Variants in FHIP2B observed in about 807,000 individuals in gnomAD.
FHIP2B encodes FHF complex subunit HOOK-interacting protein 2B.
Under a neutral mutation model 84.0 loss-of-function variants are expected in FHIP2B, and 72 were observed. The observed-to-expected ratio is 0.86, with a 90% CI of 0.71 to 1.04. The LOEUF is 1.04. Ranked by LOEUF, FHIP2B falls within the 50% of genes least tolerant of loss-of-function variation. The pLI, the probability that FHIP2B is intolerant of heterozygous loss-of-function variation, is 0.00. For synonymous variants in FHIP2B, 497 were observed against 418.7 expected (o/e 1.19, Z -2.28); for missense variants, 972 against 968.9 (o/e 1.00, Z -0.04).
At chr8:22,097,147 A>C in intron 3 of FHIP2B, 3 of 306,558 alleles carry the variant, frequency 9.8e-6, no homozygotes, top group Non-Finnish European at 1.9e-5. Context: ...TGATGCAGGA[A>C]AAGGGGTTGT....
intron 7 of FHIP2B, 127 bp from the exon 8 acceptor site, chr8:22,098,814 AAACCCCC>A: frequency 1.0e-6 from 1 of 962,504 alleles, no homozygotes; most frequent in South Asian, 1.6e-5. Context: ...TCTGTCCATA[AAACCCCC>A]AAGATAACTG....
chr8:22,099,384 A>G (rs1456258468), intron 9 of FHIP2B, 24 bp downstream of exon 9: 2 of 1,611,160 alleles, frequency 1.2e-6, no homozygotes, highest in Non-Finnish European at 8.5e-7. Context: ...TCCCTCAGGC[A>G]TGACTGTGGT....
At chr8:22,102,491 C>G in intron 15 of FHIP2B, 37 bp from the exon 16 acceptor site, 2 of 1,543,202 alleles carry the variant, frequency 1.3e-6, no homozygotes, top group Non-Finnish European at 1.8e-6. Flanking sequence ...ACTGGTGTTG[C>G]TGGCCCCATC....
chr8:22,089,890 G>A (rs956393819), intron 1 of FHIP2B: 1 of 1,230,392 alleles, frequency 8.1e-7, no homozygotes, highest in Non-Finnish European at 1.1e-6. Flanking sequence ...GCCCCCAGCC[G>A]GGGAAATCGC....
chr8:22,099,415 C>G, intron 9 of FHIP2B, 55 bp downstream of exon 9: 2 of 1,563,858 alleles, frequency 1.3e-6, no homozygotes, highest in Non-Finnish European at 1.7e-6. Flanking sequence ...CCACCTACCC[C>G]ACCCAGCCTC....
At chr8:22,093,012 A>C (rs1302422456) in intron 1 of FHIP2B, among the ~76,000 whole-genome samples, 2 of 152,188 alleles carry the variant, frequency 1.3e-5, no homozygotes, top group Non-Finnish European at 2.9e-5. Context: ...TGTCTTGTAC[A>C]TAGTGGGCAC....
At chr8:22,096,642 A>T in intron 3 of FHIP2B, 133 bp downstream of exon 3, 1 of 1,314,178 alleles carries the variant, frequency 7.6e-7, no homozygotes, top group Non-Finnish European at 9.9e-7. Flanking sequence ...GGCCAGGCTG[A>T]GGTGGGCGGT....
In FHIP2B at chr8:22,099,826, C is replaced by T; in HGVS notation, c.1274C>T (p.Ala425Val). ...FLLGTDRQPE[A>V]PGDNPHTLYA... ...CTGGGCACAGACCGGCAGCCTGAAGCCCCCGGGGACAACCCCCACACCCTG... is the reference window on the plus strand; with the variant it reads ...CTGGGCACAGACCGGCAGCCTGAAGTCCCCGGGGACAACCCCCACACCCTG... The change falls in exon 10 of 17, where the codon GCC (alanine) becomes GTC (valine). Residue 425 changes from alanine to valine, a missense_variant. Physicochemically the swap from Ala to Val is moderately conservative, Grantham distance 64. Coordinates refer to ENST00000289921, the MANE Select transcript of FHIP2B (RefSeq NM_022749.7). 6.2e-7 allele frequency: 1 copy of T among 1,612,408 alleles called. No individual in the cohort carries two copies. The highest frequency in any genetic ancestry group is 8.5e-7 in the Non-Finnish European group (1 of 1,179,446).
At chr8:22,090,274 G>A (rs1270843128) in intron 1 of FHIP2B, among the ~76,000 whole-genome samples, 1 of 152,120 alleles carries the variant, frequency 6.6e-6, no homozygotes, top group Non-Finnish European at 1.5e-5. Context: ...GATTTTCTCA[G>A]GAGAGAAAGT....
chr8:22,091,825 A>C (rs888438853), intron 1 of FHIP2B, among the ~76,000 whole-genome samples: 1 of 152,244 alleles, frequency 6.6e-6, no homozygotes, highest in Non-Finnish European at 1.5e-5. Context: ...GTGAAGGGCC[A>C]GAGGACTTTC....
At chr8:22,096,653 G>C (rs1312776794) in intron 3 of FHIP2B, 144 bp downstream of exon 3, 8 of 1,164,790 alleles carry the variant, frequency 6.9e-6, no homozygotes, top group Non-Finnish European at 9.2e-6. Context: ...GGTGGGCGGT[G>C]GGCAGTGGGC....
rs892679634 is a variant in FHIP2B at position 22,090,155 on chromosome 8, G to GGGC, written c.45+859_45+860insCGG. Among the ~76,000 whole-genome samples the GGGC allele has an allele frequency of 1.5e-5, 2 of 137,146 alleles. 1 individual carries two copies. The highest frequency in any genetic ancestry group is 5.2e-5 in the African/African-American group (2 of 38,172). 90.0% of individuals were successfully genotyped at this position (137,146 alleles called of 152,430 possible). A position where few individuals can be genotyped will look rare whatever the true frequency, so the allele number is the denominator to read the frequency against. ...GGGTGGGGGTATTCCCGGTAGGGTGGGGGGGGTGCCCGCTGTTGAAAGTAA... is the reference window on the plus strand; with the variant it reads ...GGGTGGGGGTATTCCCGGTAGGGTGGGGCGGGGGGTGCCCGCTGTTGAAAGTAA... On this transcript the variant is annotated intron_variant, in intron 1 of 16. Coordinates refer to ENST00000289921, the MANE Select transcript of FHIP2B (RefSeq NM_022749.7).
chr8:22,102,237 C>G lies in FHIP2B; in HGVS notation c.1914C>G (p.Pro638=). 6.2e-7 allele frequency: 1 copy of G among 1,613,358 alleles called. No homozygotes were observed. Among genetic ancestry groups the G allele is most frequent in the Non-Finnish European group, 8.5e-7 (1 of 1,179,872 alleles). ...CCCGGCTTGCCCTCTTCCCCCACCC[C>G]CATATTCATGAGTACCTGCTGGATC... is the stretch of plus-strand genomic sequence containing the variant. ...VLSRLALFPH[P]HIHEYLLDPY... is the part of the protein sequence containing the mutation. The change falls in exon 15 of 17, where the codon CCC becomes CCG. Residue 638 remains proline, a synonymous_variant. Coordinates refer to ENST00000289921, the MANE Select transcript of FHIP2B (RefSeq NM_022749.7).
In FHIP2B at chr8:22,100,672, C is replaced by G; in HGVS notation, c.1420C>G (p.Arg474Gly). 6.2e-7 allele frequency: 1 copy of G among 1,607,380 alleles called. No individual in the cohort carries two copies. Among genetic ancestry groups the G allele is most frequent in the South Asian group, 1.1e-5 (1 of 90,280 alleles). The change falls in exon 11 of 17, where the codon CGC (arginine) becomes GGC (glycine). Residue 474 changes from arginine to glycine, a missense_variant. Coordinates refer to ENST00000289921, the MANE Select transcript of FHIP2B (RefSeq NM_022749.7). ...HEGIIHSLVL[R>G]NLEGRPYVAW... ...GGGGATCATCCACAGCCTGGTCCTG[C>G]GCAACCTTGAGGGCCGCCCTTACGT...
rs1338958958 is a variant in FHIP2B at position 22,098,203 on chromosome 8, G to T, written c.661G>T (p.Gly221Trp). 6.3e-7 allele frequency: 1 copy of T among 1,581,314 alleles called. No homozygotes were observed. Residue 221 changes from glycine (G) to tryptophan (W), a missense_variant, in exon 6 of 17, where the codon GGG (glycine) becomes TGG (tryptophan). Gly to Trp is a radical substitution (Grantham distance 184, BLOSUM62 -2). Coordinates refer to ENST00000289921, the MANE Select transcript of FHIP2B (RefSeq NM_022749.7). The stretch of plus-strand genomic sequence containing the variant: ...GCCCCAGCTGGACGGGGAGTCCTGT[G>T]GGGCCCAGGCCTTGAACAGCCACAT... Reference protein sequence around the residue: ...ARPQLDGESCGAQALNSHMPA... With the variant: ...ARPQLDGESCWAQALNSHMPA...
In FHIP2B at chr8:22,099,874, G is replaced by T; in HGVS notation, c.1322G>T (p.Cys441Phe). 1 of 1,611,412 alleles carries T rather than the reference G, an allele frequency of 6.2e-7. No homozygotes were observed. The highest frequency in any genetic ancestry group is 8.5e-7 in the Non-Finnish European group (1 of 1,178,974). Residue 441 changes from cysteine to phenylalanine, a missense_variant, in exon 10 of 17, where the codon TGT becomes TTT. Coordinates refer to ENST00000289921, the MANE Select transcript of FHIP2B (RefSeq NM_022749.7). ...CTGTATGCTCATCTCATCGGGCATT[G>T]TGACCACCTCTCTGATGAGGTACAG... ...HTLYAHLIGH[C>F]DHLSDEISIT...
Position 22,103,071 on chromosome 8 carries a change from C to T in FHIP2B, c.*140C>T. ...CTCAAGGAGACTGCGGCATGTTGAC[C>T]ACACCAGACTGGGTTTCAGGGAATG... On this transcript the variant is annotated 3_prime_UTR_variant, in exon 17 of 17. Coordinates refer to ENST00000289921, the MANE Select transcript of FHIP2B (RefSeq NM_022749.7). 8.9e-7 allele frequency: 1 copy of T among 1,123,058 alleles called. No individual in the cohort carries two copies. Among genetic ancestry groups the T allele is most frequent in the African/African-American group, 1.6e-5 (1 of 63,940 alleles). 69.6% of individuals were successfully genotyped at this position (1,123,058 alleles called of 1,614,324 possible).
intron 1 of FHIP2B, among the ~76,000 whole-genome samples, chr8:22,091,016 G>A (rs966795487): frequency 3.9e-5 from 6 of 152,044 alleles, no homozygotes; most frequent in East Asian, 3.9e-4. Flanking sequence ...GTGATCTTCC[G>A]GGCCCTTTAG....
intron 12 of FHIP2B, 187 bp downstream of exon 12, chr8:22,101,159 A>G: frequency 1.4e-6 from 1 of 723,490 alleles, no homozygotes; most frequent in Non-Finnish European, 2.2e-6. Flanking sequence ...AGTACCTGGG[A>G]TTACAGACAT....
Sources: allele counts gnomAD v4.1 joint callset (sites outside exome capture counted in the v4.1 genomes callset), GRCh38; gene constraint gnomAD v4.1.1; transcripts MANE v1.5; gene names NCBI Gene and HGNC (gene_info 2026-07-23, HGNC 2026-07-21).